The following FMN1 variants were observed in gnomAD, a reference collection of about 807,000 sequenced individuals.
FMN1 encodes the protein formin 1, also known as formin-1.
A neutral mutation model predicts 132.4 loss-of-function variants in FMN1; 110 were observed. That is an observed-to-expected ratio of 0.83 (90% CI 0.71 to 0.97). The LOEUF is 0.97. Ranked by LOEUF, FMN1 falls within the 50% of genes least tolerant of loss-of-function variation. The pLI, the probability that FMN1 is intolerant of heterozygous loss-of-function variation, is 0.00. For synonymous variants in FMN1, 722 were observed against 651.7 expected (o/e 1.11, Z -1.64); for missense variants, 1,792 against 1,705.3 (o/e 1.05, Z -0.90).
intron 3 of FMN1, among the ~76,000 whole-genome samples, chr15:33,179,595 C>A (rs1357628632): frequency 6.6e-6 from 1 of 152,144 alleles, no homozygotes; most frequent in Non-Finnish European, 1.5e-5. Context: ...TTGTCATCTG[C>A]CACATTATAT....
rs116059093 is a variant in FMN1, at chr15:32,905,144, T to C, written c.3378-3104A>G. 1.6e-3 allele frequency among the ~76,000 whole-genome samples: 251 copies of C among 152,346 alleles called. 2 individuals carry two copies. Among genetic ancestry groups the C allele is most frequent in the Middle Eastern group, 6.8e-3 (2 of 294 alleles). ...AGGACTGCAACTTCAGCTTCTAATA[T>C]ATGAAAGACGTTCTGTGTCTCACAT... is the stretch of plus-strand genomic sequence containing the variant. On this transcript the variant is annotated intron_variant, in intron 12 of 20. Coordinates refer to ENST00000616417, the MANE Select transcript of FMN1 (RefSeq NM_001277313.2).
In FMN1 at chr15:32,989,830, C is replaced by G. The variant is rs576353906; in HGVS notation, c.2223+18184G>C. On this transcript the variant is annotated intron_variant, in intron 7 of 20. Transcript: ENST00000616417. The stretch of plus-strand genomic sequence containing the variant: ...ATTTGGTAATCAACTAGATGTGAAG[C>G]AGAGGGTGCAGGAGTTGTCAAGGAT... Among the ~76,000 whole-genome samples, 26 of 152,204 alleles carry G rather than the reference C, an allele frequency of 1.7e-4. No homozygotes were observed. The South Asian group carries it at 5.4e-3, about 32-fold the overall frequency.
intron 7 of FMN1, among the ~76,000 whole-genome samples, chr15:32,994,212 C>CCTCTCTCTCTCTCTCTCTCTCTCTCT (rs771176022): frequency 5.5e-5 from 8 of 146,504 alleles, no homozygotes; most frequent in Non-Finnish European, 9.1e-5. Context: ...AGAACTCATT[C>CCTCTCTCTCTCTCTCTCTCTCTCTCT]CTCTCTCTCT....
chr15:32,894,664 C>T (rs78709486), intron 15 of FMN1, among the ~76,000 whole-genome samples: 28,386 of 151,654 alleles, frequency 0.19, 2,801 homozygotes, highest in Middle Eastern at 0.22. Flanking sequence ...ATGTTAATAA[C>T]GACCTCAAAA....
chr15:32,835,678 T>C (rs997726277), intron 17 of FMN1, among the ~76,000 whole-genome samples: 5 of 152,176 alleles, frequency 3.3e-5, no homozygotes, highest in African/African-American at 1.2e-4. Flanking sequence ...CCTTTCCTTC[T>C]TAAGTGTAAC....
At chr15:33,140,571 G>A (rs992428280) in intron 4 of FMN1, among the ~76,000 whole-genome samples, 2 of 152,202 alleles carry the variant, frequency 1.3e-5, no homozygotes, top group African/African-American at 4.8e-5. Context: ...CCAGGAGCTG[G>A]TGATCTAGTG....
In FMN1 at chr15:32,968,819, A is replaced by C; in HGVS notation, c.2882T>G (p.Phe961Cys). The C allele has an allele frequency of 2.5e-6, 4 of 1,610,708 alleles. No homozygotes were observed. The South Asian group carries it at 3.3e-5, about 13-fold the overall frequency. The change falls in exon 8 of 21, where the codon TTT becomes TGT. Residue 961 changes from phenylalanine to cysteine, a missense_variant. Coordinates refer to ENST00000616417, the MANE Select transcript of FMN1 (RefSeq NM_001277313.2). ...LAPPPPPGLF[F>C]GLGSSSSQCP... ...TTGACTGGAAGAAGAGCCAAGTCCA[A>C]AGAAGAGTCCAGGGGGAGGTGGGGG...
At chr15:33,093,452 G>A (rs922131662) in intron 4 of FMN1, among the ~76,000 whole-genome samples, 4 of 152,224 alleles carry the variant, frequency 2.6e-5, no homozygotes, top group African/African-American at 9.6e-5. Context: ...ATGTGTGGCT[G>A]TGTGTGTAAT....
chr15:32,874,347 A>C (rs1340443605), intron 16 of FMN1, among the ~76,000 whole-genome samples: 1 of 152,150 alleles, frequency 6.6e-6, no homozygotes, highest in Non-Finnish European at 1.5e-5. Flanking sequence ...AGCGAATATC[A>C]AGCCCAGCTT....
chr15:32,983,800 C>G (rs572670892), intron 7 of FMN1, among the ~76,000 whole-genome samples: 83 of 152,312 alleles, frequency 5.4e-4, no homozygotes, highest in African/African-American at 1.8e-3. Flanking sequence ...TTCATCAACA[C>G]TACAGCATTT....
intron 7 of FMN1, among the ~76,000 whole-genome samples, chr15:33,006,656 C>G (rs2034433965): frequency 6.6e-6 from 1 of 151,882 alleles, no homozygotes; most frequent in African/African-American, 2.4e-5. Flanking sequence ...CATCAATGGA[C>G]AAATGGTTAA....
chr15:33,145,629 C>T (rs184648504), intron 4 of FMN1, among the ~76,000 whole-genome samples: 2 of 151,560 alleles, frequency 1.3e-5, no homozygotes, highest in African/African-American at 4.8e-5. Context: ...TCGGATGTGG[C>T]TCAAATTCTT....
intron 6 of FMN1, among the ~76,000 whole-genome samples, chr15:33,018,821 G>A (rs571855981): frequency 6.6e-6 from 1 of 152,282 alleles, no homozygotes; most frequent in Admixed American, 6.5e-5. Flanking sequence ...CAGTGAATCT[G>A]CATACCTTCG....
At chr15:32,810,942 A>T (rs1235237667) in intron 17 of FMN1, 1 of 456,020 alleles carries the variant, frequency 2.2e-6, no homozygotes, top group South Asian at 1.5e-5. Context: ...GAGCCGGGTG[A>T]TGCTAACGAG....
intron 5 of FMN1, among the ~76,000 whole-genome samples, chr15:33,081,986 C>A (rs538622983): frequency 1.3e-5 from 2 of 150,758 alleles, no homozygotes; most frequent in East Asian, 3.9e-4. Flanking sequence ...TTGTGATGAG[C>A]CTTGGAAACC....
At chr15:33,098,083 C>T (rs184337979) in intron 4 of FMN1, among the ~76,000 whole-genome samples, 3 of 152,118 alleles carry the variant, frequency 2.0e-5, no homozygotes, top group African/African-American at 7.2e-5. Flanking sequence ...AAATTAGGTA[C>T]TGATAACAGA....
chr15:32,774,716 T>C (rs980417278), intron 20 of FMN1, among the ~76,000 whole-genome samples: 1 of 152,086 alleles, frequency 6.6e-6, no homozygotes, highest in Non-Finnish European at 1.5e-5. Flanking sequence ...GGCTCATTGA[T>C]GGAATTAGAG....
intron 14 of FMN1, 146 bp downstream of exon 14, chr15:32,899,833 C>G (rs1596223437): frequency 3.9e-6 from 3 of 772,334 alleles, no homozygotes; most frequent in Non-Finnish European, 6.0e-6. Flanking sequence ...GAAAAGAAAG[C>G]AAACAAAAAA....
intron 17 of FMN1, among the ~76,000 whole-genome samples, chr15:32,810,064 C>G (rs2057820096): frequency 6.6e-6 from 1 of 152,086 alleles, no homozygotes; most frequent in Non-Finnish European, 1.5e-5. Flanking sequence ...GGATTATAGG[C>G]ACGCACCATG....
Sources: gnomAD v4.1 joint callset for allele counts (sites outside exome capture counted in the v4.1 genomes callset) on GRCh38, gnomAD v4.1.1 for gene constraint, MANE v1.5 for transcripts, NCBI Gene and HGNC (gene_info 2026-07-23, HGNC 2026-07-21) for gene names.